Variants in NBPF3 observed in about 807,000 individuals in gnomAD.
NBPF3 encodes the protein NBPF family member NBPF3.
NBPF3 carries 57 observed loss-of-function variants against 78.1 expected under a neutral mutation model. The ratio of observed to expected loss-of-function variants is 0.73; its 90% CI spans 0.59 to 0.91. The LOEUF (loss-of-function observed/expected upper bound fraction) is 0.91, where lower values mean the gene tolerates loss of function less well. Among genes scored for constraint, NBPF3 ranks in the 40% least tolerant of loss-of-function variants. The probability of loss-of-function intolerance (pLI) is 0.00; values close to 1 mark genes in which losing one functional copy is unlikely to be tolerated. For missense variants in NBPF3, 510 were observed against 715.3 expected, an observed-to-expected ratio of 0.71 and a Z score of 3.27; for synonymous variants, 182 against 271.7, an observed-to-expected ratio of 0.67 and a Z score of 3.25.
At chr1:21,456,705 G>T (rs1344960863) in intron 2 of NBPF3, among the ~76,000 whole-genome samples, 4 of 151,846 alleles carry the variant, frequency 2.6e-5, no homozygotes, top group African/African-American at 9.7e-5. Flanking sequence ...AAGAAGAGAA[G>T]GCAACACTTC....
chr1:21,445,211 A>G lies in NBPF3; in HGVS notation c.125A>G (p.Asp42Gly), dbSNP rs763388247. ...GTGGGCCGACATCAAGAGCTGCGAG[A>G]TCCAACAGGTAAAAATCCCGAGGCA... ...HGVGRHQELR[D>G]PTVPGPTSSA... The change falls in exon 2 of 15, where the codon GAT becomes GGT. Residue 42 changes from aspartate (D) to glycine (G), a missense_variant. Transcript: ENST00000318249. The G allele has an allele frequency of 6.2e-7, 1 of 1,611,686 alleles. No homozygotes were observed. Among genetic ancestry groups the G allele is most frequent in the Non-Finnish European group, 8.5e-7 (1 of 1,179,626 alleles).
intron 2 of NBPF3, among the ~76,000 whole-genome samples, chr1:21,454,582 C>G (rs1641493620): frequency 6.6e-6 from 1 of 152,126 alleles, no homozygotes; most frequent in African/African-American, 2.4e-5. Context: ...CTCAAGAATG[C>G]AATATCTTCT....
rs1643327213 is a variant in NBPF3 at position 21,483,295 on chromosome 1, G to T, written c.1811G>T (p.Ser604Ile). 6 of 1,350,214 alleles carry T rather than the reference G, an allele frequency of 4.4e-6. 1 individual carries two copies. Among genetic ancestry groups the T allele is most frequent in the Non-Finnish European group, 6.0e-6 (6 of 997,478 alleles). The allele number at this position is 1,350,214 out of a possible 1,614,324, so 83.6% of individuals were successfully genotyped here. ...AFYSFEEQDV[S>I]LALDVDNRFF... is the part of the protein sequence containing the mutation. ...TACTCATTTGAGGAACAGGACGTCA[G>T]CTTGGCCCTTGACGTGGACAATAGG... Residue 604 changes from serine to isoleucine, a missense_variant, in exon 15 of 15, where the codon AGC becomes ATC. Physicochemically the swap from Ser to Ile is moderately radical, Grantham distance 142. This residue lies in a region of NBPF3 where 18 missense variants were observed against 65.2 expected (regional missense o/e 0.28). Coordinates refer to ENST00000318249, the MANE Select transcript of NBPF3 (RefSeq NM_032264.6).
chr1:21,440,685 C>G (rs1640588251), intron 1 of NBPF3: 1 of 152,374 alleles, frequency 6.6e-6, no homozygotes, highest in Admixed American at 6.5e-5. Context: ...ACCCTCGAGG[C>G]CGGAAATCGG....
At chr1:21,454,363 G>T (rs970871324) in intron 2 of NBPF3, 18 of 152,216 alleles carry the variant, frequency 1.2e-4, no homozygotes, top group African/African-American at 4.3e-4. Context: ...GCCTGATGGA[G>T]TCAGTATAGG....
intron 1 of NBPF3, among the ~76,000 whole-genome samples, chr1:21,442,796 C>T (rs985783334): frequency 3.3e-5 from 5 of 151,892 alleles, no homozygotes; most frequent in East Asian, 1.9e-4. Flanking sequence ...TGAGTAGCTG[C>T]GACTATAGGC....
chr1:21,477,438 G>A lies in NBPF3; in HGVS notation c.993-706G>A, dbSNP rs1377078583. Among the ~76,000 whole-genome samples, 5 of 152,196 alleles carry A rather than the reference G, an allele frequency of 3.3e-5. No individual in the cohort carries two copies. The East Asian group carries it at 9.6e-4, about 29-fold the overall frequency. On this transcript the variant is annotated intron_variant, in intron 8 of 14. Coordinates refer to ENST00000318249, the MANE Select transcript of NBPF3 (RefSeq NM_032264.6). ...TATCTACCTTTGGTCTTTGATGCTG[G>A]TGACCTACAGATGGGGTTTTGGTGT...
At chr1:21,459,105 A>G (rs1405932789) in intron 2 of NBPF3, among the ~76,000 whole-genome samples, 1 of 152,224 alleles carries the variant, frequency 6.6e-6, no homozygotes, top group African/African-American at 2.4e-5. Context: ...AAATAGAGAA[A>G]TATATATCAT....
intron 8 of NBPF3, among the ~76,000 whole-genome samples, 184 bp downstream of exon 8, chr1:21,475,135 AAGAT>A (rs1642824203): frequency 6.6e-6 from 1 of 152,218 alleles, no homozygotes; most frequent in African/African-American, 2.4e-5. Flanking sequence ...TAGTCCTCTC[AAGAT>A]AGGAACTTGC....
At chr1:21,453,574 C>T (rs1569964386) in intron 2 of NBPF3, 1 of 152,316 alleles carries the variant, frequency 6.6e-6, no homozygotes, top group African/African-American at 2.4e-5. Flanking sequence ...GAGGACAGGC[C>T]ATGGGACTTG....
intron 2 of NBPF3, chr1:21,454,223 T>C (rs1172801499): frequency 6.6e-6 from 1 of 152,260 alleles, no homozygotes; most frequent in Non-Finnish European, 1.5e-5. Flanking sequence ...CTGTGTCAAC[T>C]GTGACTTTCT....
chr1:21,442,503 A>G (rs1023031523), intron 1 of NBPF3: 2 of 152,222 alleles, frequency 1.3e-5, no homozygotes, highest in African/African-American at 4.8e-5. Context: ...GGCATGAGCC[A>G]CTGCACCCGG....
At chr1:21,466,106 G>A (rs1285266794) in intron 2 of NBPF3, 49 of 985,402 alleles carry the variant, frequency 5.0e-5, no homozygotes, top group Non-Finnish European at 5.9e-5. Flanking sequence ...GGAGGAGCCC[G>A]AATCACTGAT....
In NBPF3 at chr1:21,476,790, T is replaced by G. The variant is rs1219100892; in HGVS notation, c.993-1354T>G. On this transcript the variant is annotated intron_variant, in intron 8 of 14. Transcript: ENST00000318249. The surrounding 1 kb of genome is among the most constrained non-coding windows in gnomAD (Gnocchi z 4.1). ...CTTCTCGAGGAGTATCTTTGTGGTG[T>G]TCTCTGTATTTCCTGAATTTGAATG... Among the ~76,000 whole-genome samples the G allele has an allele frequency of 6.6e-6, 1 of 152,154 alleles. No homozygotes were observed. The highest frequency in any genetic ancestry group is 2.4e-5 in the African/African-American group (1 of 41,426).
At chr1:21,458,028 T>C (rs1641730028) in intron 2 of NBPF3, among the ~76,000 whole-genome samples, 1 of 152,244 alleles carries the variant, frequency 6.6e-6, no homozygotes, top group Admixed American at 6.5e-5. Flanking sequence ...CAGAAGTGAT[T>C]AAGTTCTTCT....
chr1:21,475,920 G>C (rs1335413033), intron 8 of NBPF3, among the ~76,000 whole-genome samples: 1 of 105,396 alleles, frequency 9.5e-6, no homozygotes, highest in Non-Finnish European at 2.1e-5. Context: ...TCTCTTTTTA[G>C]GTCTCTCAGG....
At chr1:21,451,589 T>A (rs1641313827) in intron 2 of NBPF3, among the ~76,000 whole-genome samples, 1 of 152,158 alleles carries the variant, frequency 6.6e-6, no homozygotes, top group African/African-American at 2.4e-5. Flanking sequence ...GAAGTTGGGA[T>A]TCAGGAAGGA....
At chr1:21,462,474 T>G (rs558338560) in intron 2 of NBPF3, among the ~76,000 whole-genome samples, 90 of 152,194 alleles carry the variant, frequency 5.9e-4, no homozygotes, top group African/African-American at 2.1e-3. Flanking sequence ...AACAGAGAGA[T>G]AACAAACACT....
chr1:21,477,370 T>A (rs1489235995), intron 8 of NBPF3, among the ~76,000 whole-genome samples: 3 of 152,228 alleles, frequency 2.0e-5, no homozygotes, highest in Non-Finnish European at 4.4e-5. Flanking sequence ...GTTTTTAGAA[T>A]TTTCAGCTTT....
Sources: allele counts gnomAD v4.1 joint callset (sites outside exome capture counted in the v4.1 genomes callset), GRCh38; gene constraint gnomAD v4.1.1; regional missense constraint gnomAD v4.1.1; non-coding constraint Gnocchi (gnomAD v3.1); transcripts MANE v1.5; gene names NCBI Gene and HGNC (gene_info 2026-07-23, HGNC 2026-07-21).